Variants in APBA2 observed in about 807,000 individuals in gnomAD.
The protein encoded by APBA2 is amyloid-beta A4 precursor protein-binding family A member 2.
A neutral mutation model predicts 75.0 loss-of-function variants in APBA2; 30 were observed. The observed-to-expected ratio is 0.40, with a 90% confidence interval of 0.30 to 0.54. The LOEUF is 0.54. Among genes scored for constraint, APBA2 ranks in the 20% least tolerant of loss-of-function variants. The pLI is 0.49. For missense variants in APBA2, 801 were observed against 1,016.1 expected (o/e 0.79, Z 2.88); for synonymous variants, 444 against 409.6 (o/e 1.08, Z -1.01).
At chr15:28,969,249 C>G (rs529423575) in intron 2 of APBA2, among the ~76,000 whole-genome samples, 33 of 151,510 alleles carry the variant, frequency 2.2e-4, no homozygotes, top group African/African-American at 8.0e-4. Context: ...GGCACAATCT[C>G]GGCTCACTGC....
At chr15:28,968,330 G>A (rs1381221779) in intron 2 of APBA2, among the ~76,000 whole-genome samples, 1 of 152,112 alleles carries the variant, frequency 6.6e-6, no homozygotes, top group African/African-American at 2.4e-5. Flanking sequence ...TGAATGATGT[G>A]GTAATTTATG....
chr15:28,961,253 A>G (rs1276765384), intron 2 of APBA2: 1 of 152,274 alleles, frequency 6.6e-6, no homozygotes, highest in Admixed American at 6.5e-5. Flanking sequence ...TATGTGGTGC[A>G]ATTCCATGTA....
At chr15:29,108,735 C>T (rs1413408316) in intron 13 of APBA2, 2 of 443,278 alleles carry the variant, frequency 4.5e-6, no homozygotes, top group Admixed American at 3.5e-5. Context: ...TTACTGTGCT[C>T]AACAAACAGA....
intron 2 of APBA2, among the ~76,000 whole-genome samples, chr15:28,971,568 G>A (rs992456646): frequency 6.6e-5 from 10 of 152,202 alleles, no homozygotes; most frequent in African/African-American, 2.4e-4. Context: ...GGATGGGAGA[G>A]TCTGCTCCTG....
rs1283076341 is a variant in APBA2 at position 29,046,566 on chromosome 15, A to T, written c.-40-7279A>T. ...GGGCCGTCATCAGAGACCTGCAAGC[A>T]TCTACTTAGGGCAGAGTTTTCAAGT... On this transcript the variant is annotated intron_variant, in intron 3 of 14. Coordinates refer to ENST00000683413, the MANE Select transcript of APBA2 (RefSeq NM_001353788.2). The surrounding 1 kb of genome is among the most constrained non-coding windows in gnomAD (Gnocchi z 5.0). Among the ~76,000 whole-genome samples the T allele has an allele frequency of 6.6e-6, 1 of 152,188 alleles. No homozygotes were observed. Among genetic ancestry groups the T allele is most frequent in the Non-Finnish European group, 1.5e-5 (1 of 68,030 alleles).
intron 3 of APBA2, among the ~76,000 whole-genome samples, chr15:29,018,867 C>T (rs1185498076): frequency 6.6e-6 from 1 of 152,180 alleles, no homozygotes; most frequent in Non-Finnish European, 1.5e-5. Flanking sequence ...CTGCCAGTGA[C>T]CTTGCACCTG....
chr15:28,944,789 C>T (rs982907368), intron 2 of APBA2, among the ~76,000 whole-genome samples: 2 of 152,196 alleles, frequency 1.3e-5, no homozygotes, highest in African/African-American at 2.4e-5. Flanking sequence ...TGTGGTTGCC[C>T]GATGCTCCTT....
chr15:29,024,851 G>A (rs1052241692), intron 3 of APBA2, among the ~76,000 whole-genome samples: 4 of 152,176 alleles, frequency 2.6e-5, no homozygotes, highest in African/African-American at 4.8e-5. Flanking sequence ...CCCATGGTGA[G>A]TCAGAGGAAC....
In APBA2 at chr15:29,105,439, C is replaced by T. The variant is rs769224997; in HGVS notation, c.1585C>T (p.Arg529Ter). 1 of 1,613,306 alleles carries T rather than the reference C, an allele frequency of 6.2e-7. No individual in the cohort carries two copies. The highest frequency in any genetic ancestry group is 8.5e-7 in the Non-Finnish European group (1 of 1,180,002). Residue 529 changes from arginine (R) to a stop codon, truncating the protein, a stop_gained, in exon 11 of 15, where the codon CGA becomes TGA. Transcript: ENST00000683413. LOFTEE classifies it high-confidence loss of function. Reference protein sequence around the residue: ...AFSVAYQEFLRANGINPEDLS... With the variant: ...AFSVAYQEFL The stretch of plus-strand genomic sequence containing the variant: ...CAGCGTGGCCTACCAGGAGTTCCTG[C>T]GAGCCAATGGCATCAACCCCGAAGA...
At position 29,046,699 on chromosome 15, in the gene APBA2, C is replaced by T. The variant is rs373889340; in HGVS notation, c.-40-7146C>T. ...GAACCTGCACACTCTCCAGGTGGGCCTTGTGCCCACCAAAGTGAGCGAATC... is the reference window on the plus strand; with the variant it reads ...GAACCTGCACACTCTCCAGGTGGGCTTTGTGCCCACCAAAGTGAGCGAATC... On this transcript the variant is annotated intron_variant, in intron 3 of 14. Coordinates refer to ENST00000683413, the MANE Select transcript of APBA2 (RefSeq NM_001353788.2). This position sits in a 1 kb window ranked among gnomAD's most constrained non-coding sequence, Gnocchi z 5.0. 1.3e-4 allele frequency among the ~76,000 whole-genome samples: 20 copies of T among 152,362 alleles called. No homozygotes were observed. The highest frequency in any genetic ancestry group is 4.8e-4 in the African/African-American group (20 of 41,590).
intron 2 of APBA2, among the ~76,000 whole-genome samples, chr15:28,934,602 C>T (rs80119492): frequency 0.01 from 1,578 of 152,298 alleles, 34 homozygotes; most frequent in African/African-American, 0.037. Flanking sequence ...ACACTGGGCT[C>T]TGCCTTGGCT....
At chr15:28,908,451 C>T (rs1338539172) in intron 1 of APBA2, among the ~76,000 whole-genome samples, 2 of 152,160 alleles carry the variant, frequency 1.3e-5, no homozygotes, top group Non-Finnish European at 2.9e-5. Context: ...CCTGGGACTA[C>T]AGGCGCCCGC....
At chr15:29,010,285 G>C (rs2039334162) in intron 3 of APBA2, among the ~76,000 whole-genome samples, 2 of 152,084 alleles carry the variant, frequency 1.3e-5, no homozygotes, top group Non-Finnish European at 2.9e-5. Flanking sequence ...ATGAGATGGA[G>C]TCTCGCTCTG....
At chr15:29,088,621 C>T (rs1476298712) in intron 6 of APBA2, among the ~76,000 whole-genome samples, 2 of 152,202 alleles carry the variant, frequency 1.3e-5, no homozygotes, top group African/African-American at 4.8e-5. Context: ...CCATCATCAC[C>T]ACTCATGTGC....
rs776613635 is a variant in APBA2 at position 29,113,899 on chromosome 15, C to A, written c.2061C>A (p.Gly687=). ...AGATCTGCAGCCTCATGAGAGGGGG[C>A]ATTGCTGAGCGAGGGGGCGTCCGTG... ...NGIICSLMRG[G]IAERGGVRVG... is the part of the protein sequence containing the mutation. Residue 687 remains glycine (G), a synonymous_variant, in exon 14 of 15, where the codon GGC becomes GGA. Transcript: ENST00000683413. The A allele has an allele frequency of 3.7e-5, 60 of 1,612,374 alleles. No homozygotes were observed. The highest frequency in any genetic ancestry group is 4.8e-5 in the Non-Finnish European group (57 of 1,180,024).
intron 6 of APBA2, among the ~76,000 whole-genome samples, chr15:29,084,334 T>C (rs565695114): frequency 6.6e-6 from 1 of 152,342 alleles, no homozygotes; most frequent in South Asian, 2.1e-4. Flanking sequence ...AGAATATGGC[T>C]TCCTAAAAAT....
chr15:29,104,243 C>T (rs2044285385), intron 10 of APBA2, among the ~76,000 whole-genome samples: 1 of 152,174 alleles, frequency 6.6e-6, no homozygotes, highest in Non-Finnish European at 1.5e-5. Flanking sequence ...GCAGGACCCC[C>T]TTGAGGGCAG....
intron 9 of APBA2, among the ~76,000 whole-genome samples, chr15:29,099,816 A>C (rs902551927): frequency 6.6e-6 from 1 of 152,238 alleles, no homozygotes; most frequent in South Asian, 2.1e-4. Flanking sequence ...CATGAGCTGT[A>C]TAGCCTTAAA....
intron 9 of APBA2, 49 bp from the exon 10 acceptor site, chr15:29,101,550 G>T: frequency 6.3e-7 from 1 of 1,586,662 alleles, no homozygotes; most frequent in Non-Finnish European, 8.6e-7. Context: ...CTTTTCAATG[G>T]ATTGTCCCAG....
Sources: gnomAD v4.1 joint callset for allele counts (sites outside exome capture counted in the v4.1 genomes callset) on GRCh38, gnomAD v4.1.1 for gene constraint, Gnocchi (gnomAD v3.1) non-coding constraint, MANE v1.5 for transcripts, NCBI Gene and HGNC (gene_info 2026-07-23, HGNC 2026-07-21) for gene names.